Variants in PSMA6 observed in about 807,000 individuals in gnomAD.
PSMA6 encodes the protein proteasome 20S subunit alpha 6, also known as proteasome subunit alpha type-6.
For synonymous variants in PSMA6, 88 were observed against 97.7 expected, an observed-to-expected ratio of 0.90 and a Z score of 0.59; for missense variants, 170 against 294.8, an observed-to-expected ratio of 0.58 and a Z score of 3.10.
At chr14:35,297,763 A>T (rs1349892200) in intron 1 of PSMA6, among the ~76,000 whole-genome samples, 1 of 152,152 alleles carries the variant, frequency 6.6e-6, no homozygotes, top group Non-Finnish European at 1.5e-5. Flanking sequence ...TCACAGCCTG[A>T]GCTGTGTACA....
chr14:35,313,018 G>C lies in PSMA6; in HGVS notation c.547G>C (p.Val183Leu). ...GTCAACCAGCTTCCTTGAAAAAAAA[G>C]TGAAGAAGAAATTTGATTGGACATT... ...TESTSFLEKK[V>L]KKKFDWTFEQ... The change falls in exon 5 of 7, where the codon GTG (valine) becomes CTG (leucine). Residue 183 changes from valine (V) to leucine (L), a missense_variant. Transcript: ENST00000261479. 1.9e-6 allele frequency: 3 copies of C among 1,579,476 alleles called. No individual in the cohort carries two copies. The highest frequency in any genetic ancestry group is 2.6e-6 in the Non-Finnish European group (3 of 1,170,502).
upstream of PSMA6, chr14:35,278,582 C>A: frequency 1.0e-6 from 1 of 962,214 alleles, no homozygotes; most frequent in Non-Finnish European, 1.6e-6. Context: ...CAATAGGATG[C>A]CAGTGGAATT....
chr14:35,288,033 T>C (rs1292844791), upstream of PSMA6, among the ~76,000 whole-genome samples: 3 of 152,240 alleles, frequency 2.0e-5, no homozygotes, highest in Non-Finnish European at 4.4e-5. Flanking sequence ...TCTCTGACCT[T>C]TTAGGGTTTT....
chr14:35,316,686 T>C (rs912601587), intron 6 of PSMA6: 6 of 152,370 alleles, frequency 3.9e-5, no homozygotes, highest in African/African-American at 1.4e-4. Context: ...TCCAATATGG[T>C]GAAACCCCAT....
chr14:35,302,131 G>A (rs1403647535), intron 1 of PSMA6, among the ~76,000 whole-genome samples: 1 of 152,128 alleles, frequency 6.6e-6, no homozygotes, highest in African/African-American at 2.4e-5. Context: ...CCAGGGACTA[G>A]GACATAGATA....
At chr14:35,299,026 G>A (rs1404036292) in intron 1 of PSMA6, among the ~76,000 whole-genome samples, 2 of 150,796 alleles carry the variant, frequency 1.3e-5, no homozygotes, top group South Asian at 2.1e-4. Flanking sequence ...GAGTCACTGC[G>A]TCCAGCTATT....
At chr14:35,290,098 G>A (rs564483232), upstream of PSMA6, among the ~76,000 whole-genome samples, 5 of 152,158 alleles carry the variant, frequency 3.3e-5, no homozygotes, top group African/African-American at 1.2e-4. Flanking sequence ...TCTTTCAAAC[G>A]TGGGGTTTTG....
At chr14:35,282,684 A>C (rs993790672) in intron 1 of PSMA6, among the ~76,000 whole-genome samples, 1 of 151,938 alleles carries the variant, frequency 6.6e-6, no homozygotes, top group Non-Finnish European at 1.5e-5. Flanking sequence ...GATTCCCCCC[A>C]TCTCTACAAA....
Position 35,310,770 on chromosome 14 carries a change from G to A in PSMA6, c.284G>A (p.Arg95His), listed in dbSNP as rs1321968684. The A allele has an allele frequency of 1.2e-5, 20 of 1,612,330 alleles. No homozygotes were observed. Among genetic ancestry groups the A allele is most frequent in the Non-Finnish European group, 1.6e-5 (19 of 1,179,794 alleles). The change falls in exon 4 of 7, where the codon CGC (arginine) becomes CAC (histidine). Residue 95 changes from arginine (R) to histidine (H), a missense_variant. Physicochemically the swap from Arg to His is conservative, Grantham distance 29 (BLOSUM62 0). Coordinates refer to ENST00000261479, the MANE Select transcript of PSMA6 (RefSeq NM_002791.3). The stretch of plus-strand genomic sequence containing the variant: ...AGCAGATCCCAGGTACAGAGGGCAC[G>A]CTATGAGGCAGCTAACTGGAAATAC... ...ADSRSQVQRA[R>H]YEAANWKYKY...
intron 1 of PSMA6, among the ~76,000 whole-genome samples, chr14:35,305,214 C>T (rs1436508644): frequency 6.6e-6 from 1 of 150,786 alleles, no homozygotes; most frequent in Non-Finnish European, 1.5e-5. Context: ...GTGAGCACGG[C>T]TCACTGCAGC....
chr14:35,302,030 G>A (rs1203993380), intron 1 of PSMA6, among the ~76,000 whole-genome samples: 3 of 151,434 alleles, frequency 2.0e-5, no homozygotes, highest in Admixed American at 6.6e-5. Context: ...TGAAGATCAA[G>A]TGTTACTAGA....
At chr14:35,308,590 C>T (rs1400304829) in intron 2 of PSMA6, among the ~76,000 whole-genome samples, 1 of 152,128 alleles carries the variant, frequency 6.6e-6, no homozygotes, top group East Asian at 1.9e-4. Flanking sequence ...ACAGAATTAA[C>T]TTATTAAACT....
chr14:35,303,230 T>C (rs2051751669), intron 1 of PSMA6, among the ~76,000 whole-genome samples: 1 of 152,220 alleles, frequency 6.6e-6, no homozygotes, highest in South Asian at 2.1e-4. Flanking sequence ...ACAAAGTCTG[T>C]CTCTTGGGTG....
At chr14:35,303,485 C>G (rs2051760210) in intron 1 of PSMA6, among the ~76,000 whole-genome samples, 1 of 152,200 alleles carries the variant, frequency 6.6e-6, no homozygotes, top group South Asian at 2.1e-4. Context: ...CTTTACTGCT[C>G]TCAGATTATG....
chr14:35,282,636 C>T (rs2051378345), intron 1 of PSMA6, among the ~76,000 whole-genome samples: 1 of 152,012 alleles, frequency 6.6e-6, no homozygotes, highest in African/African-American at 2.4e-5. Context: ...GGATTTCTTG[C>T]ATCTAGGAGC....
In PSMA6 at chr14:35,314,372, A is replaced by G. The variant is rs372676999; in HGVS notation, c.600A>G (p.Thr200=). ...TFEQTVETAI[T]CLSTVLSIDF... ...ATACTTTTTTTCAGACTGCAATTACATGCCTGTCTACTGTTCTATCAATTG... is the reference window on the plus strand; with the variant it reads ...ATACTTTTTTTCAGACTGCAATTACGTGCCTGTCTACTGTTCTATCAATTG... The change falls in exon 6 of 7, where the codon ACA becomes ACG. Residue 200 remains threonine, a synonymous_variant. Transcript: ENST00000261479. 2 of 1,605,988 alleles carry G rather than the reference A, an allele frequency of 1.2e-6. No homozygotes were observed. Among genetic ancestry groups the G allele is most frequent in the East Asian group, 2.2e-5 (1 of 44,744 alleles).
chr14:35,314,708 T>A (rs964056309), intron 6 of PSMA6: 13 of 266,878 alleles, frequency 4.9e-5, no homozygotes, highest in South Asian at 4.7e-4. Context: ...AAAGTTACCT[T>A]CCTTATGTAA....
At chr14:35,299,466 C>T (rs985215839) in intron 1 of PSMA6, among the ~76,000 whole-genome samples, 3 of 151,778 alleles carry the variant, frequency 2.0e-5, no homozygotes, top group Admixed American at 6.6e-5. Flanking sequence ...GGATTACAGG[C>T]GCCTGCCACC....
At chr14:35,278,677 A>G in exon 1 of PSMA6, 1 of 1,534,946 alleles carries the variant, frequency 6.5e-7, no homozygotes, top group Non-Finnish European at 8.7e-7. Context: ...CACCTCATGA[A>G]GTAGCTTCCT....
Sources: allele counts gnomAD v4.1 joint callset (sites outside exome capture counted in the v4.1 genomes callset), GRCh38; gene constraint gnomAD v4.1.1; transcripts MANE v1.5; gene names NCBI Gene and HGNC (gene_info 2026-07-23, HGNC 2026-07-21).